ARMC2: variants seen among roughly 807,000 people sequenced by gnomAD.
ARMC2 encodes the protein armadillo repeat containing 2, also known as armadillo repeat-containing protein 2.
Under a neutral mutation model 90.3 loss-of-function variants are expected in ARMC2, and 67 were observed. The observed-to-expected ratio is 0.74, with a 90% CI of 0.61 to 0.91. The LOEUF (loss-of-function observed/expected upper bound fraction) is 0.91, where lower values mean the gene tolerates loss of function less well. Ranked by LOEUF, ARMC2 falls within the 40% of genes least tolerant of loss-of-function variation. The pLI is 0.00. For missense variants in ARMC2, 920 were observed against 1,030.9 expected (o/e 0.89, Z 1.47); for synonymous variants, 393 against 393.0 (o/e 1.00, Z 0.00).
At chr6:108,880,027 G>A in intron 5 of ARMC2, 1 of 439,454 alleles carries the variant, frequency 2.3e-6, no homozygotes, top group Non-Finnish European at 4.6e-6. Context: ...TAAGAAAAGA[G>A]GGCTTCTGGT....
chr6:108,907,870 T>C (rs878952361), intron 8 of ARMC2: 1 of 1,610,022 alleles, frequency 6.2e-7, no homozygotes, highest in Non-Finnish European at 8.5e-7. Flanking sequence ...CAACTGACGC[T>C]ATCTTAGAGT....
intron 8 of ARMC2, among the ~76,000 whole-genome samples, chr6:108,908,406 A>C (rs1773034195): frequency 6.6e-6 from 1 of 152,214 alleles, no homozygotes; most frequent in South Asian, 2.1e-4. Context: ...CCTGGTACAC[A>C]TCAGGTGCCC....
chr6:108,966,626 G>A (rs1778391322), intron 17 of ARMC2, among the ~76,000 whole-genome samples: 1 of 151,974 alleles, frequency 6.6e-6, no homozygotes, highest in Non-Finnish European at 1.5e-5. Flanking sequence ...AAAAAAAAGT[G>A]AGCATTTTTT....
rs763183692 is a variant in ARMC2, at chr6:108,854,291, G to T, written c.24G>T (p.Met8Ile). 3.1e-6 allele frequency: 5 copies of T among 1,609,964 alleles called. No individual in the cohort carries two copies. The highest frequency in any genetic ancestry group is 4.2e-6 in the Non-Finnish European group (5 of 1,178,184). Residue 8 changes from methionine to isoleucine, a missense_variant, in exon 2 of 18, where the codon ATG (methionine) becomes ATT (isoleucine). Physicochemically the swap from Met to Ile is conservative, Grantham distance 10. Transcript: ENST00000392644. MLSPNDK[M>I]LGKLDPFYQP... ...AGATGCTGTCTCCAAATGATAAAAT[G>T]TTAGGAAAACTGGATCCATTTTATC...
At chr6:108,994,523 C>G in the ARMC2 span, 2 of 1,613,406 alleles carry the variant, frequency 1.2e-6, no homozygotes, top group South Asian at 2.2e-5. Context: ...CCATCTCTTC[C>G]TGACTTGCCT....
At chr6:108,865,163 A>G (rs1320022896) in intron 3 of ARMC2, among the ~76,000 whole-genome samples, 1 of 151,872 alleles carries the variant, frequency 6.6e-6, no homozygotes, top group Non-Finnish European at 1.5e-5. Flanking sequence ...TTGTATTTTT[A>G]GTAGAGATGG....
rs1044068168 is a variant in ARMC2 at position 108,890,219 on chromosome 6, A to C, written c.672-4248A>C. 7.7e-4 allele frequency among the ~76,000 whole-genome samples: 81 copies of C among 105,838 alleles called. 3 individuals carry two copies. The highest frequency in any genetic ancestry group is 2.2e-3 in the African/African-American group (66 of 29,846). The allele number at this position is 105,838 out of a possible 152,430, so 69.4% of individuals were successfully genotyped here. The stretch of plus-strand genomic sequence containing the variant: ...AAAAAAAAAAAAAAAAAAAAAAAAA[A>C]AAAAAAAAAACAGTGGTTTCTTAGT... On this transcript the variant is annotated intron_variant, in intron 5 of 17. Transcript: ENST00000392644.
At chr6:108,902,122 C>A (rs1772221340) in intron 7 of ARMC2, among the ~76,000 whole-genome samples, 1 of 152,154 alleles carries the variant, frequency 6.6e-6, no homozygotes, top group Admixed American at 6.5e-5. Context: ...GAATACATAT[C>A]TTGGGGATAG....
intron 3 of ARMC2, among the ~76,000 whole-genome samples, chr6:108,866,994 T>G (rs1775885795): frequency 1.3e-5 from 2 of 152,148 alleles, no homozygotes; most frequent in South Asian, 4.1e-4. Flanking sequence ...TCATACGTGA[T>G]AAATGACATC....
At position 108,892,104 on chromosome 6, in the gene ARMC2, G is replaced by C. The variant is rs559035752; in HGVS notation, c.672-2363G>C. On this transcript the variant is annotated intron_variant, in intron 5 of 17. Coordinates refer to ENST00000392644, the MANE Select transcript of ARMC2 (RefSeq NM_032131.6). Reference sequence around the variant, plus strand: ...ACTTTGGAAGCCCATTAGTTGAAAAGTATCTTGCTTGATTTTAATAGTTGT... The same window carrying C: ...ACTTTGGAAGCCCATTAGTTGAAAACTATCTTGCTTGATTTTAATAGTTGT... Among the ~76,000 whole-genome samples, 3 of 152,312 alleles carry C rather than the reference G, an allele frequency of 2.0e-5. No individual in the cohort carries two copies. In the South Asian group the frequency reaches 6.2e-4, roughly 32 times the overall value.
Position 108,894,521 on chromosome 6 carries a change from G to A in ARMC2, c.726G>A (p.Leu242=), listed in dbSNP as rs767785950. 9 of 1,609,610 alleles carry A rather than the reference G, an allele frequency of 5.6e-6. No individual in the cohort carries two copies. In the Admixed American group the frequency reaches 1.5e-4, roughly 27 times the overall value. ...CATCATGCCCCAGTAGCTCAGACCT[G>A]AGCAGGCTGCAAACCAAAGCAGGTG... ...RASSCPSSSD[L]SRLQTKAVPK... The change falls in exon 6 of 18, where the codon CTG becomes CTA. Residue 242 remains leucine (L), a synonymous_variant. Coordinates refer to ENST00000392644, the MANE Select transcript of ARMC2 (RefSeq NM_032131.6).
the ARMC2 span, among the ~76,000 whole-genome samples, chr6:109,016,210 TC>T: frequency 1.3e-5 from 2 of 152,190 alleles, no homozygotes; most frequent in East Asian, 1.9e-4. Flanking sequence ...TAATTTTTAT[TC>T]AAAGAAACAA....
chr6:109,050,573 A>C, the ARMC2 span, among the ~76,000 whole-genome samples: 1 of 152,192 alleles, frequency 6.6e-6, no homozygotes, highest in African/African-American at 2.4e-5. Context: ...TAAGAGAGGC[A>C]GGCAAACATC....
chr6:108,973,413 C>G lies in ARMC2; in HGVS notation c.2503C>G (p.Leu835Val). 8 of 1,613,860 alleles carry G rather than the reference C, an allele frequency of 5.0e-6. No homozygotes were observed. The highest frequency in any genetic ancestry group is 6.8e-6 in the Non-Finnish European group (8 of 1,179,768). Reference sequence around the variant, plus strand: ...TCCAGACCTAAAAAACTATCACAAACTCCATTGGGAAACAGAATTCAAACC... The same window carrying G: ...TCCAGACCTAAAAAACTATCACAAAGTCCATTGGGAAACAGAATTCAAACC... ...FDPDLKNYHK[L>V]HWETEFKPVA... The change falls in exon 18 of 18, where the codon CTC becomes GTC. Residue 835 changes from leucine (L) to valine (V), a missense_variant. Physicochemically the swap from Leu to Val is conservative, Grantham distance 32. Transcript: ENST00000392644.
intron 13 of ARMC2, among the ~76,000 whole-genome samples, chr6:108,957,603 G>T (rs1777692361): frequency 6.6e-6 from 1 of 152,140 alleles, no homozygotes; most frequent in African/African-American, 2.4e-5. Context: ...CTAGTCATGT[G>T]GGAAGGGCAT....
At chr6:108,861,064 ATCT>A (rs1775188457) in intron 3 of ARMC2, among the ~76,000 whole-genome samples, 1 of 152,196 alleles carries the variant, frequency 6.6e-6, no homozygotes, top group African/African-American at 2.4e-5. Flanking sequence ...GAATAAACCC[ATCT>A]TCTTCTGGCT....
intron 12 of ARMC2, among the ~76,000 whole-genome samples, chr6:108,937,996 G>A (rs370569927): frequency 2.6e-5 from 4 of 152,144 alleles, no homozygotes; most frequent in Admixed American, 6.5e-5. Flanking sequence ...CACTGCACCC[G>A]GCCACAGGCA....
At chr6:108,995,480 CAT>C in the ARMC2 span, among the ~76,000 whole-genome samples, 6 of 152,214 alleles carry the variant, frequency 3.9e-5, no homozygotes, top group Admixed American at 6.5e-5. Flanking sequence ...CAGTGTCACA[CAT>C]AGAGTAATGG....
chr6:108,987,793 A>G, the ARMC2 span, among the ~76,000 whole-genome samples: 1 of 150,308 alleles, frequency 6.7e-6, no homozygotes. Flanking sequence ...AAATTTCTCA[A>G]AACAGCAGCT....
Sources: gnomAD v4.1 joint callset for allele counts (sites outside exome capture counted in the v4.1 genomes callset) on GRCh38, gnomAD v4.1.1 for gene constraint, MANE v1.5 for transcripts, NCBI Gene and HGNC (gene_info 2026-07-23, HGNC 2026-07-21) for gene names.